The following TMEM248 variants were observed in gnomAD, a reference collection of about 807,000 sequenced individuals.
The protein encoded by TMEM248 is UPF0458 protein C7orf42.
Under a neutral mutation model 30.3 loss-of-function variants are expected in TMEM248, and 9 were observed. The ratio of observed to expected loss-of-function variants is 0.30; its 90% CI spans 0.18 to 0.52. The LOEUF is 0.52. Among genes scored for constraint, TMEM248 ranks in the 20% least tolerant of loss-of-function variants. The pLI is 0.97. For missense variants in TMEM248, 338 were observed against 403.3 expected (o/e 0.84, Z 1.39); for synonymous variants, 184 against 154.4 (o/e 1.19, Z -1.42).
At chr7:66,924,830 C>T (rs1207688417) in intron 1 of TMEM248, among the ~76,000 whole-genome samples, 2 of 152,064 alleles carry the variant, frequency 1.3e-5, no homozygotes, top group Non-Finnish European at 2.9e-5. Context: ...CTGGCTCAGC[C>T]TCCCGTGTAG....
intron 3 of TMEM248, among the ~76,000 whole-genome samples, chr7:66,947,192 G>A (rs1263918708): frequency 7.2e-6 from 1 of 137,990 alleles, no homozygotes; most frequent in African/African-American, 2.7e-5. Context: ...TCCAGCCTGG[G>A]CAATAGAGTG....
intron 1 of TMEM248, among the ~76,000 whole-genome samples, chr7:66,926,516 A>C (rs951005780): frequency 6.6e-6 from 1 of 152,012 alleles, no homozygotes; most frequent in Non-Finnish European, 1.5e-5. Flanking sequence ...CTTACAAGCT[A>C]CTTCAGCTAC....
Position 66,954,536 on chromosome 7 carries a change from A to G in TMEM248, c.925-966A>G, listed in dbSNP as rs184166225. On this transcript the variant is annotated intron_variant, in intron 6 of 6. Coordinates refer to ENST00000341567, the MANE Select transcript of TMEM248 (RefSeq NM_017994.5). Reference sequence around the variant, plus strand: ...GTCAACCTCCTGAGTAGCTGGGACCACAGGCATGCATCACCACACCTGGTT... The same window carrying G: ...GTCAACCTCCTGAGTAGCTGGGACCGCAGGCATGCATCACCACACCTGGTT... 1.3e-3 allele frequency among the ~76,000 whole-genome samples: 195 copies of G among 152,066 alleles called. 1 individual carries two copies. The highest frequency in any genetic ancestry group is 4.5e-3 in the African/African-American group (188 of 41,482).
chr7:66,931,985 T>C (rs999808291), intron 1 of TMEM248, among the ~76,000 whole-genome samples: 1 of 151,188 alleles, frequency 6.6e-6, no homozygotes, highest in Non-Finnish European at 1.5e-5. Flanking sequence ...TTTGTACTTT[T>C]AGTAGAGACG....
At position 66,945,251 on chromosome 7, in the gene TMEM248, T is replaced by A. The variant is rs779020605; in HGVS notation, c.435T>A (p.Ile145=). 4 of 1,612,948 alleles carry A rather than the reference T, an allele frequency of 2.5e-6. No homozygotes were observed. Among genetic ancestry groups the A allele is most frequent in the East Asian group, 2.2e-5 (1 of 44,868 alleles). The part of the protein sequence containing the change: ...HLYSTILGHQ[I]GLSGREAHEE... ...ACTCAACCATCTTAGGGCATCAGAT[T>A]GGACTTTCAGGTATGCAGTAGCCAC... Residue 145 remains isoleucine, a synonymous_variant, in exon 3 of 7, where the codon ATT becomes ATA. Coordinates refer to ENST00000341567, the MANE Select transcript of TMEM248 (RefSeq NM_017994.5).
At chr7:66,937,049 T>C (rs930257610) in intron 1 of TMEM248, among the ~76,000 whole-genome samples, 1 of 152,190 alleles carries the variant, frequency 6.6e-6, no homozygotes. Flanking sequence ...TGTAGGTGCT[T>C]ATAGCTATAA....
rs763960791 is a variant in TMEM248, at chr7:66,948,564, A to G, written c.466A>G (p.Ile156Val). The G allele has an allele frequency of 1.1e-5, 18 of 1,613,952 alleles. No individual in the cohort carries two copies. The South Asian group carries it at 1.9e-4, about 17-fold the overall frequency. The change falls in exon 4 of 7, where the codon ATA becomes GTA. Residue 156 changes from isoleucine to valine, a missense_variant. Transcript: ENST00000341567. ...GLSGREAHEE[I>V]NITFTLPTAW... is the part of the protein sequence containing the mutation. The stretch of plus-strand genomic sequence containing the variant: ...CATAGGCAGGGAAGCCCACGAGGAG[A>G]TAAACATCACCTTCACCCTGCCTAC...
At chr7:66,947,230 A>C (rs932361699) in intron 3 of TMEM248, among the ~76,000 whole-genome samples, 2 of 151,582 alleles carry the variant, frequency 1.3e-5, no homozygotes, top group African/African-American at 4.8e-5. Flanking sequence ...AAAAAAAAAA[A>C]AAAAACAAGA....
intron 1 of TMEM248, chr7:66,922,203 A>G (rs1172505138): frequency 6.6e-6 from 1 of 152,198 alleles, no homozygotes; most frequent in East Asian, 1.9e-4. Context: ...CTGCTTTGTA[A>G]AGATTGTGGC....
chr7:66,931,821 T>TTTTTTC (rs1562938087), intron 1 of TMEM248, among the ~76,000 whole-genome samples: 1 of 139,404 alleles, frequency 7.2e-6, no homozygotes, highest in Non-Finnish European at 1.5e-5. Context: ...TTTTTTTTTT[T>TTTTTTC]TGAGGCAGAG....
At chr7:66,935,762 T>C (rs1235729122) in intron 1 of TMEM248, among the ~76,000 whole-genome samples, 1 of 152,114 alleles carries the variant, frequency 6.6e-6, no homozygotes, top group Non-Finnish European at 1.5e-5. Flanking sequence ...CAGGCTGGTC[T>C]CGAACTCCTG....
At chr7:66,944,088 C>G (rs576148400) in intron 2 of TMEM248, among the ~76,000 whole-genome samples, 2 of 149,308 alleles carry the variant, frequency 1.3e-5, no homozygotes, top group East Asian at 2.0e-4. Flanking sequence ...AACTACCGTA[C>G]CTGGCCTCAG....
intron 3 of TMEM248, among the ~76,000 whole-genome samples, chr7:66,946,015 C>T (rs1164443933): frequency 6.6e-6 from 1 of 150,694 alleles, no homozygotes; most frequent in Admixed American, 6.7e-5. Context: ...ACCCAGGAGG[C>T]AGAGGTTGCA....
chr7:66,951,339 G>C (rs1436637887), intron 5 of TMEM248: 1 of 435,168 alleles, frequency 2.3e-6, no homozygotes, highest in Non-Finnish European at 3.9e-6. Context: ...AGAAAAATCT[G>C]GTTTTTCTCT....
At chr7:66,932,141 A>G (rs1049796846) in intron 1 of TMEM248, among the ~76,000 whole-genome samples, 4 of 152,016 alleles carry the variant, frequency 2.6e-5, no homozygotes, top group Non-Finnish European at 4.4e-5. Flanking sequence ...CTCCCCTTAT[A>G]TTAGGTTGGT....
At chr7:66,947,416 A>G (rs1286014963) in intron 3 of TMEM248, among the ~76,000 whole-genome samples, 2 of 151,662 alleles carry the variant, frequency 1.3e-5, no homozygotes, top group Non-Finnish European at 2.9e-5. Context: ...TTTTGTTGTT[A>G]TTTTGAGATG....
intron 1 of TMEM248, among the ~76,000 whole-genome samples, chr7:66,927,805 A>C: frequency 1.3e-5 from 2 of 151,914 alleles, no homozygotes. Flanking sequence ...TCTGTTCTAC[A>C]CTGTGAATTG....
In TMEM248 at chr7:66,957,281, A is replaced by C. The variant is rs951499929; in HGVS notation, c.*1759A>C. The C allele has an allele frequency of 3.3e-5, 5 of 152,444 alleles. No individual in the cohort carries two copies. The highest frequency in any genetic ancestry group is 4.8e-5 in the African/African-American group (2 of 41,446). The allele number at this position is 152,444 out of a possible 1,614,324, so 9.4% of individuals were successfully genotyped here. A position where few individuals can be genotyped will look rare whatever the true frequency, so the allele number is the denominator to read the frequency against. On this transcript the variant is annotated 3_prime_UTR_variant, in exon 7 of 7. Transcript: ENST00000341567. ...TGCATTCTGAAATACATTGGCCTAG[A>C]ACATTTTATCCCAGGCATTTTTGAA...
intron 6 of TMEM248, among the ~76,000 whole-genome samples, chr7:66,954,035 C>T (rs1584419084): frequency 6.7e-6 from 1 of 150,038 alleles, no homozygotes; most frequent in African/African-American, 2.5e-5. Context: ...CCTCTGCCTC[C>T]TGGGCTCAAG....
Sources: allele counts gnomAD v4.1 joint callset (sites outside exome capture counted in the v4.1 genomes callset), GRCh38; gene constraint gnomAD v4.1.1; transcripts MANE v1.5; gene names NCBI Gene and HGNC (gene_info 2026-07-23, HGNC 2026-07-21).